Variants in OPCML observed in about 807,000 individuals in gnomAD.
The protein encoded by OPCML is opioid binding protein/cell adhesion molecule like.
Under a neutral mutation model 37.8 loss-of-function variants are expected in OPCML, and 13 were observed. The observed-to-expected ratio is 0.34, with a 90% CI of 0.22 to 0.55. OPCML has a LOEUF of 0.55. Ranked by LOEUF, OPCML falls within the 20% of genes least tolerant of loss-of-function variation. OPCML has a pLI of 0.91. For missense variants in OPCML, 341 were observed against 435.6 expected, an observed-to-expected ratio of 0.78 and a Z score of 1.93; for synonymous variants, 176 against 168.8, an observed-to-expected ratio of 1.04 and a Z score of -0.33.
intron 2 of OPCML, among the ~76,000 whole-genome samples, chr11:132,859,833 C>A (rs887247098): frequency 6.6e-6 from 1 of 152,144 alleles, no homozygotes; most frequent in Non-Finnish European, 1.5e-5. Flanking sequence ...TGTAAACACG[C>A]CTATTCATTT....
rs146458935 is a variant in OPCML at position 133,342,543 on chromosome 11, C to T, written c.61+189721G>A. Among the ~76,000 whole-genome samples, 42 of 152,312 alleles carry T rather than the reference C, an allele frequency of 2.8e-4. No homozygotes were observed. The East Asian group carries it at 7.3e-3, about 27-fold the overall frequency. On this transcript the variant is annotated intron_variant, in intron 1 of 7. Transcript: ENST00000524381. ...CTCCCTGCCGCCTACTGATGCCAGACACATAAACAAGGCGGGCTGCAAGTC... is the reference window on the plus strand; with the variant it reads ...CTCCCTGCCGCCTACTGATGCCAGATACATAAACAAGGCGGGCTGCAAGTC...
intron 4 of OPCML, 57 bp downstream of exon 4, chr11:132,529,004 A>T: frequency 9.4e-7 from 1 of 1,068,932 alleles, no homozygotes; most frequent in South Asian, 1.5e-5. Context: ...TGTTGTGCAT[A>T]AGAGCCAAGA....
intron 1 of OPCML, among the ~76,000 whole-genome samples, chr11:133,458,812 C>CATAGATGCACGTGTGTGTGTATATACAT: frequency 6.7e-6 from 1 of 150,316 alleles, no homozygotes. Flanking sequence ...TGTATATACA[C>CATAGATGCACGTGTGTGTGTATATACAT]ATAGATGCAC....
intron 4 of OPCML, among the ~76,000 whole-genome samples, chr11:132,496,489 T>A (rs897382500): frequency 4.6e-5 from 7 of 152,232 alleles, no homozygotes; most frequent in Non-Finnish European, 1.0e-4. Flanking sequence ...ACTGCTCTTG[T>A]CCTCTTGAGC....
Position 133,137,165 on chromosome 11 carries a change from T to C in OPCML, c.62-194155A>G, listed in dbSNP as rs1305231330. Among the ~76,000 whole-genome samples, 6 of 152,078 alleles carry C rather than the reference T, an allele frequency of 3.9e-5. No individual in the cohort carries two copies. The East Asian group carries it at 1.2e-3, about 29-fold the overall frequency. Reference sequence around the variant, plus strand: ...AGTGGGGGGCATTTTTACAGAGCATTTGGCTGAGCCTCTCTTGAAAAACTC... The same window carrying C: ...AGTGGGGGGCATTTTTACAGAGCATCTGGCTGAGCCTCTCTTGAAAAACTC... On this transcript the variant is annotated intron_variant, in intron 1 of 7. Coordinates refer to ENST00000524381, the MANE Select transcript of OPCML (RefSeq NM_001012393.5).
At chr11:133,203,176 C>T (rs1938878112) in intron 1 of OPCML, among the ~76,000 whole-genome samples, 1 of 152,198 alleles carries the variant, frequency 6.6e-6, no homozygotes, top group Non-Finnish European at 1.5e-5. Flanking sequence ...CTAGGTTTAT[C>T]TCCAAATCTC....
At chr11:132,820,061 CTGAATGAATGAA>C (rs35080742) in intron 2 of OPCML, among the ~76,000 whole-genome samples, 131 of 74,012 alleles carry the variant, frequency 1.8e-3, no homozygotes, top group African/African-American at 2.8e-3. Context: ...ACAGCAAAAA[CTGAATGAATGAA>C]TGAATGAATG....
rs372512981 is a variant in OPCML, at chr11:132,965,264, G to T, written c.62-22254C>A. Reference sequence around the variant, plus strand: ...TCTCTCTCTCTCTCTTTTTTGGGGGGAGGAGGTGGAAAAGAGCTTGTAAAA... The same window carrying T: ...TCTCTCTCTCTCTCTTTTTTGGGGGTAGGAGGTGGAAAAGAGCTTGTAAAA... On this transcript the variant is annotated intron_variant, in intron 1 of 7. Coordinates refer to ENST00000524381, the MANE Select transcript of OPCML (RefSeq NM_001012393.5). Among the ~76,000 whole-genome samples the T allele has an allele frequency of 1.1e-4, 17 of 152,202 alleles. 1 individual carries two copies. The East Asian group carries it at 2.3e-3, about 21-fold the overall frequency.
intron 2 of OPCML, among the ~76,000 whole-genome samples, chr11:132,782,909 T>TAG: frequency 9.4e-6 from 1 of 106,160 alleles, no homozygotes; most frequent in Middle Eastern, 5.1e-3. Flanking sequence ...AATATATATA[T>TAG]AGTGTGTGTA....
chr11:132,768,595 C>T (rs770049182), intron 2 of OPCML, among the ~76,000 whole-genome samples: 3 of 152,144 alleles, frequency 2.0e-5, no homozygotes, highest in South Asian at 4.1e-4. Context: ...ATTCGGTCTC[C>T]GAATGCTTGC....
intron 4 of OPCML, among the ~76,000 whole-genome samples, chr11:132,437,643 G>A (rs1050063840): frequency 6.6e-6 from 1 of 152,118 alleles, no homozygotes; most frequent in African/African-American, 2.4e-5. Context: ...TGATTATTGT[G>A]ATAATTAACT....
At chr11:132,570,430 G>A (rs1314445697) in intron 3 of OPCML, among the ~76,000 whole-genome samples, 2 of 151,944 alleles carry the variant, frequency 1.3e-5, no homozygotes, top group African/African-American at 2.4e-5. Context: ...GGTTTACTAA[G>A]GTCCTCATCT....
At chr11:132,717,270 G>A (rs1944527415) in intron 2 of OPCML, among the ~76,000 whole-genome samples, 1 of 152,024 alleles carries the variant, frequency 6.6e-6, no homozygotes, top group Non-Finnish European at 1.5e-5. Flanking sequence ...AATGCTCAGA[G>A]ATAATACCAG....
Position 133,470,035 on chromosome 11 carries a change from A to G in OPCML, c.61+62229T>C, listed in dbSNP as rs186392112. On this transcript the variant is annotated intron_variant, in intron 1 of 7. Coordinates refer to ENST00000524381, the MANE Select transcript of OPCML (RefSeq NM_001012393.5). ...TTTACATTTAGTCTTCCCAAATTAC[A>G]CTGCAATAAGCCGCTTAAAGTTGAG... 2.4e-3 allele frequency among the ~76,000 whole-genome samples: 361 copies of G among 152,266 alleles called. 2 individuals are homozygous for G. Among genetic ancestry groups the G allele is most frequent in the African/African-American group, 8.2e-3 (342 of 41,554 alleles).
At chr11:132,936,630 C>CTA (rs1188087058) in intron 2 of OPCML, among the ~76,000 whole-genome samples, 1 of 152,090 alleles carries the variant, frequency 6.6e-6, no homozygotes, top group African/African-American at 2.4e-5. Flanking sequence ...GTTCCTTTCT[C>CTA]TAAACTTCTC....
chr11:132,865,584 T>C (rs1377593512), intron 2 of OPCML, among the ~76,000 whole-genome samples: 1 of 152,200 alleles, frequency 6.6e-6, no homozygotes, highest in Non-Finnish European at 1.5e-5. Context: ...TAGAAAGTAG[T>C]GGCTCAACAT....
At chr11:132,644,309 T>C (rs1941027300) in intron 3 of OPCML, among the ~76,000 whole-genome samples, 2 of 152,128 alleles carry the variant, frequency 1.3e-5, no homozygotes, top group Non-Finnish European at 2.9e-5. Flanking sequence ...TTAATCACCC[T>C]TCATCTGTCA....
chr11:133,156,490 T>C (rs529936983), intron 1 of OPCML, among the ~76,000 whole-genome samples: 7 of 152,348 alleles, frequency 4.6e-5, no homozygotes, highest in Non-Finnish European at 1.0e-4. Context: ...AGCACATGCA[T>C]TCCAGTCATC....
chr11:132,737,541 A>G (rs994056358), intron 2 of OPCML, among the ~76,000 whole-genome samples: 1 of 152,184 alleles, frequency 6.6e-6, no homozygotes, highest in Non-Finnish European at 1.5e-5. Flanking sequence ...ATGTGATACT[A>G]TATATTCTTC....
Sources: allele counts gnomAD v4.1 joint callset (sites outside exome capture counted in the v4.1 genomes callset), GRCh38; gene constraint gnomAD v4.1.1; transcripts MANE v1.5; gene names NCBI Gene and HGNC (gene_info 2026-07-23, HGNC 2026-07-21).